LRP2: variants seen among roughly 807,000 people sequenced by gnomAD.
The protein encoded by LRP2 is LDL receptor related protein 2, also known as low-density lipoprotein receptor-related protein 2.
A neutral mutation model predicts 531.0 loss-of-function variants in LRP2; 172 were observed. The observed-to-expected ratio is 0.32, with a 90% CI of 0.29 to 0.37. The LOEUF is 0.37. Among genes scored for constraint, LRP2 ranks in the 10% least tolerant of loss-of-function variants. The pLI is 1.00. For synonymous variants in LRP2, 1,992 were observed against 2,027.6 expected (o/e 0.98, Z 0.47); for missense variants, 5,167 against 5,868.3 (o/e 0.88, Z 3.90).
chr2:169,288,451 G>A (rs965226948), intron 9 of LRP2, among the ~76,000 whole-genome samples: 1 of 152,220 alleles, frequency 6.6e-6, no homozygotes, highest in Non-Finnish European at 1.5e-5. Flanking sequence ...CATCTTGAAT[G>A]ATAGTTCCAA....
chr2:169,207,858 T>C lies in LRP2; in HGVS notation c.6470-608A>G, dbSNP rs73035709. On this transcript the variant is annotated intron_variant, in intron 38 of 78. Transcript: ENST00000649046. The stretch of plus-strand genomic sequence containing the variant: ...TAAAAAGATAACTTTATGAAGATAG[T>C]ATAATAAGTAGAGAATGACCACAAA... 9.7e-3 allele frequency among the ~76,000 whole-genome samples: 1,484 copies of C among 152,340 alleles called. 23 individuals carry two copies. The highest frequency in any genetic ancestry group is 0.033 in the African/African-American group (1,380 of 41,574).
At chr2:169,352,225 T>C (rs1685869857) in intron 1 of LRP2, among the ~76,000 whole-genome samples, 1 of 152,060 alleles carries the variant, frequency 6.6e-6, no homozygotes, top group African/African-American at 2.4e-5. Context: ...ACTTCAAAGG[T>C]GACCAAGGTA....
chr2:169,221,102 T>C lies in LRP2; in HGVS notation c.5539-539A>G, dbSNP rs993438933. On this transcript the variant is annotated intron_variant, in intron 33 of 78. Transcript: ENST00000649046. Reference sequence around the variant, plus strand: ...AATCTCTGCCCTGCCAGGTCCTGACTGTACAATCTGAGGCAAATAAATTCA... The same window carrying C: ...AATCTCTGCCCTGCCAGGTCCTGACCGTACAATCTGAGGCAAATAAATTCA... Among the ~76,000 whole-genome samples, 10 of 152,288 alleles carry C rather than the reference T, an allele frequency of 6.6e-5. No individual in the cohort carries two copies. In the East Asian group the frequency reaches 1.9e-3, roughly 29 times the overall value.
chr2:169,316,452 C>T (rs981050140), intron 3 of LRP2, among the ~76,000 whole-genome samples: 19 of 152,202 alleles, frequency 1.2e-4, no homozygotes, highest in African/African-American at 4.6e-4. Flanking sequence ...GAGCCTCCAT[C>T]TGCCTATTTC....
chr2:169,318,620 G>T, intron 3 of LRP2, 142 bp downstream of exon 3: 1 of 1,138,090 alleles, frequency 8.8e-7, no homozygotes, highest in Non-Finnish European at 1.3e-6. Context: ...CCCTGAATGA[G>T]ATTGCTGGCA....
chr2:169,169,958 A>G, intron 59 of LRP2, 140 bp from the exon 60 acceptor site: 1 of 698,310 alleles, frequency 1.4e-6, no homozygotes, highest in Non-Finnish European at 2.6e-6. Context: ...ACTTGTGGTT[A>G]GCAAATTAAT....
chr2:169,329,152 A>AGTCTTCACAAAGAATTATAAGACTACAC (rs1178541595), intron 1 of LRP2, among the ~76,000 whole-genome samples: 1 of 152,246 alleles, frequency 6.6e-6, no homozygotes, highest in Non-Finnish European at 1.5e-5. Context: ...TCATCAGAGA[A>AGTCTTCACAAAGAATTATAAGACTACAC]GTCTTCACAA....
Position 169,226,431 on chromosome 2 carries a change from A to C in LRP2, c.5385T>G (p.Val1795=). The C allele has an allele frequency of 6.2e-7, 1 of 1,613,220 alleles. No individual in the cohort carries two copies. The highest frequency in any genetic ancestry group is 8.5e-7 in the Non-Finnish European group (1 of 1,179,366). Residue 1795 remains valine (V), a synonymous_variant, in exon 32 of 79, where the codon GTT becomes GTG. Transcript: ENST00000649046. ...GTTATTCAAAACTTACTGGATTTTC[A>C]ACCCAATAGATGTATTGCTCAGCAT... ...FDDAEQYIYW[V]ENPGEIHRVK...
In LRP2 at chr2:169,206,411, G is replaced by C. The variant is rs745831784; in HGVS notation, c.7309C>G (p.Gln2437Glu). 6.2e-7 allele frequency: 1 copy of C among 1,614,106 alleles called. No homozygotes were observed. The highest frequency in any genetic ancestry group is 2.2e-5 in the East Asian group (1 of 44,878). ...DSVSDRIYFTQNLASGVGQIS... is the reference protein window; with the variant it reads ...DSVSDRIYFTENLASGVGQIS... Reference sequence around the variant, plus strand: ...TGTCCAACTCCAGAGGCTAAATTTTGTGTGAAGTAGATTCTATCACTTACA... The same window carrying C: ...TGTCCAACTCCAGAGGCTAAATTTTCTGTGAAGTAGATTCTATCACTTACA... The change falls in exon 39 of 79, where the codon CAA becomes GAA. Residue 2437 changes from glutamine to glutamate, a missense_variant. Coordinates refer to ENST00000649046, the MANE Select transcript of LRP2 (RefSeq NM_004525.3).
chr2:169,284,256 CTTTTTTTTTT>C (rs1216987363), intron 9 of LRP2, among the ~76,000 whole-genome samples: 2 of 96,648 alleles, frequency 2.1e-5, no homozygotes, highest in South Asian at 3.6e-4. Flanking sequence ...TCTTTTTTTT[CTTTTTTTTTT>C]TTTTTTTTTT....
At chr2:169,257,665 C>T (rs757309572) in intron 17 of LRP2, among the ~76,000 whole-genome samples, 54 of 152,112 alleles carry the variant, frequency 3.6e-4, no homozygotes, top group Middle Eastern at 3.4e-3. Flanking sequence ...ATCCTCTAGT[C>T]ATTCTTCCAT....
intron 38 of LRP2, 24 bp downstream of exon 38, chr2:169,209,429 A>G: frequency 6.2e-7 from 1 of 1,608,792 alleles, no homozygotes; most frequent in Non-Finnish European, 8.5e-7. Context: ...CAAACATATT[A>G]AAATCACCAT....
chr2:169,137,463 G>C lies in LRP2; in HGVS notation c.13549C>G (p.Gln4517Glu). The C allele has an allele frequency of 6.2e-7, 1 of 1,613,548 alleles. No homozygotes were observed. The highest frequency in any genetic ancestry group is 8.5e-7 in the Non-Finnish European group (1 of 1,179,528). The change falls in exon 76 of 79, where the codon CAG becomes GAG. Residue 4517 changes from glutamine (Q) to glutamate (E), a missense_variant. Transcript: ENST00000649046. ...SEDFVMEMGK[Q>E]PIIFENPMYS... Reference sequence around the variant, plus strand: ...ATTGGGTTTTCAAATATTATGGGCTGCTTCCCCATTTCCATGACAAAGTCT... The same window carrying C: ...ATTGGGTTTTCAAATATTATGGGCTCCTTCCCCATTTCCATGACAAAGTCT...
intron 75 of LRP2, among the ~76,000 whole-genome samples, chr2:169,137,789 C>A (rs541755371): frequency 6.6e-6 from 1 of 151,648 alleles, no homozygotes; most frequent in Admixed American, 6.6e-5. Flanking sequence ...TCTTAAATAA[C>A]TCACTTGGGA....
At chr2:169,152,227 G>GA (rs1686169081) in intron 67 of LRP2, among the ~76,000 whole-genome samples, 1 of 152,272 alleles carries the variant, frequency 6.6e-6, no homozygotes, top group South Asian at 2.1e-4. Context: ...AGGTCTAGAA[G>GA]AACAGAAGAG....
At position 169,275,245 on chromosome 2, in the gene LRP2, TA is replaced by T; in HGVS notation, c.1773-8del. On this transcript the variant is annotated splice_region_variant and splice_polypyrimidine_tract_variant and intron_variant, in intron 13 of 78. Transcript: ENST00000649046. Reference sequence around the variant, plus strand: ...TCCATGAACTACAGTCTTCCTGTTATAAAAGACACATATATATCATACAATT... The same window carrying T: ...TCCATGAACTACAGTCTTCCTGTTATAAAGACACATATATATCATACAATT... 3.1e-6 allele frequency: 5 copies of T among 1,604,986 alleles called. No individual in the cohort carries two copies. In the South Asian group the frequency reaches 5.5e-5, roughly 18 times the overall value.
chr2:169,157,257 T>G, intron 64 of LRP2, 114 bp downstream of exon 64: 9 of 1,123,576 alleles, frequency 8.0e-6, no homozygotes, highest in Non-Finnish European at 1.0e-5. Flanking sequence ...CATGAAACCA[T>G]GAGTATGGTA....
Position 169,280,566 on chromosome 2 carries a change from G to A in LRP2, c.1172-47C>T, listed in dbSNP as rs751108728. The stretch of plus-strand genomic sequence containing the variant: ...ATCACCACTCCTTCAGATGAGCAAG[G>A]ATGGTGAAGTAGCTTACAAATGATA... On this transcript the variant is annotated intron_variant, in intron 10 of 78. Coordinates refer to ENST00000649046, the MANE Select transcript of LRP2 (RefSeq NM_004525.3). The A allele has an allele frequency of 4.5e-6, 7 of 1,572,684 alleles. No individual in the cohort carries two copies. In the African/African-American group the frequency reaches 8.1e-5, roughly 18 times the overall value.
intron 53 of LRP2, 36 bp from the exon 54 acceptor site, chr2:169,176,624 TGAAA>T (rs1443905598): frequency 6.3e-7 from 1 of 1,581,922 alleles, no homozygotes; most frequent in South Asian, 1.1e-5. Flanking sequence ...GTTCATTTGC[TGAAA>T]GAGAGTATCA....
Sources: allele counts gnomAD v4.1 joint callset (sites outside exome capture counted in the v4.1 genomes callset), GRCh38; gene constraint gnomAD v4.1.1; transcripts MANE v1.5; gene names NCBI Gene and HGNC (gene_info 2026-07-23, HGNC 2026-07-21).